ZFHX3: variants seen among roughly 807,000 people sequenced by gnomAD.
The protein encoded by ZFHX3 is zinc finger homeobox protein 3.
A neutral mutation model predicts 279.1 loss-of-function variants in ZFHX3; 42 were observed. The ratio of observed to expected loss-of-function variants is 0.15; its 90% confidence interval spans 0.12 to 0.19. The LOEUF is 0.19. ZFHX3 is among the 10% of genes least tolerant of loss of function. The pLI, the probability that ZFHX3 is intolerant of heterozygous loss-of-function variation, is 1.00. For synonymous variants in ZFHX3, 2,293 were observed against 1,957.8 expected, an observed-to-expected ratio of 1.17 and a Z score of -4.52; for missense variants, 4,981 against 4,754.0, an observed-to-expected ratio of 1.05 and a Z score of -1.40.
At chr16:73,439,909 C>CAAAAAAAAA (rs71156164) in intron 3 of ZFHX3, among the ~76,000 whole-genome samples, 7 of 75,446 alleles carry the variant, frequency 9.3e-5, no homozygotes, top group South Asian at 5.8e-4. Context: ...GGGAGAGGGA[C>CAAAAAAAAA]AAAAAAAAAA....
chr16:72,990,642 C>T (rs1963047319), intron 1 of ZFHX3, among the ~76,000 whole-genome samples: 1 of 152,152 alleles, frequency 6.6e-6, no homozygotes, highest in South Asian at 2.1e-4. Context: ...TAATAATGTA[C>T]CCAACAGGCA....
At chr16:73,682,447 G>A (rs1202996677) in intron 1 of ZFHX3, among the ~76,000 whole-genome samples, 1 of 152,034 alleles carries the variant, frequency 6.6e-6, no homozygotes, top group Non-Finnish European at 1.5e-5. Flanking sequence ...GGTCAAGAAT[G>A]TCACCATCTA....
intron 2 of ZFHX3, among the ~76,000 whole-genome samples, chr16:73,626,802 T>C (rs1403853279): frequency 6.6e-6 from 1 of 152,228 alleles, no homozygotes; most frequent in Non-Finnish European, 1.5e-5. Context: ...TCTGGGGCTC[T>C]AAACCTTTCA....
chr16:72,999,184 C>T (rs1963403611), intron 1 of ZFHX3, among the ~76,000 whole-genome samples: 2 of 152,214 alleles, frequency 1.3e-5, no homozygotes, highest in East Asian at 1.9e-4. Flanking sequence ...AAGTCCCGCT[C>T]TGTCGCCTAG....
At chr16:72,908,550 C>A (rs1229442610) in intron 3 of ZFHX3, among the ~76,000 whole-genome samples, 1 of 152,204 alleles carries the variant, frequency 6.6e-6, no homozygotes, top group Non-Finnish European at 1.5e-5. Context: ...CGTTCACTTA[C>A]CTTGCTAATG....
chr16:73,371,989 C>G (rs143720625), intron 3 of ZFHX3, among the ~76,000 whole-genome samples: 3,334 of 152,344 alleles, frequency 0.022, 57 homozygotes, highest in Middle Eastern at 0.034. Context: ...GCACATGTCA[C>G]GCGAATTTTT....
intron 1 of ZFHX3, among the ~76,000 whole-genome samples, chr16:73,044,822 T>C (rs543992777): frequency 2.0e-5 from 3 of 152,284 alleles, no homozygotes; most frequent in South Asian, 4.1e-4. Context: ...GGTTTCTCCA[T>C]GTTGATCAGG....
At chr16:72,915,992 T>C (rs1597374611) in intron 3 of ZFHX3, among the ~76,000 whole-genome samples, 1 of 152,180 alleles carries the variant, frequency 6.6e-6, no homozygotes, top group Non-Finnish European at 1.5e-5. Flanking sequence ...AAACATAAAA[T>C]AGCATTGAAG....
chr16:72,943,623 A>G (rs1199216659), intron 3 of ZFHX3, among the ~76,000 whole-genome samples: 2 of 152,242 alleles, frequency 1.3e-5, no homozygotes, highest in Admixed American at 6.5e-5. Flanking sequence ...CTTTAGAACA[A>G]TGTTGTCAAT....
chr16:73,032,876 G>A (rs1286825657), intron 1 of ZFHX3, among the ~76,000 whole-genome samples: 3 of 152,184 alleles, frequency 2.0e-5, no homozygotes, highest in African/African-American at 4.8e-5. Flanking sequence ...TAAAACCGGA[G>A]AGGTTGAACT....
At chr16:73,252,052 T>G (rs977941141) in intron 5 of ZFHX3, among the ~76,000 whole-genome samples, 2 of 151,758 alleles carry the variant, frequency 1.3e-5, no homozygotes, top group Non-Finnish European at 2.9e-5. Flanking sequence ...GGAGGGAGCT[T>G]GGGGAATTAG....
rs542439744 is a variant in ZFHX3 at position 73,209,006 on chromosome 16, A to G, written c.-1104+48041T>C. On this transcript the variant is annotated intron_variant, in intron 5 of 17. Coordinates refer to the ZFHX3 transcript ENST00000641206. ...AGCAAATCATGGTCAAATAATGGCA[A>G]TTTCATACAGTTCAACCCAATATAT... Among the ~76,000 whole-genome samples, 4 of 152,298 alleles carry G rather than the reference A, an allele frequency of 2.6e-5. No homozygotes were observed. The South Asian group carries it at 6.2e-4, about 24-fold the overall frequency.
chr16:73,301,820 G>T (rs549084718), intron 4 of ZFHX3, among the ~76,000 whole-genome samples: 17 of 143,500 alleles, frequency 1.2e-4, no homozygotes, highest in Non-Finnish European at 2.4e-4. Context: ...AGAGAATCTT[G>T]CAGTGTGCAT....
rs949679601 is a variant in ZFHX3, at chr16:73,845,335, G to C, written c.-1608+46316C>G. On this transcript the variant is annotated intron_variant, in intron 1 of 17. Coordinates refer to the ZFHX3 transcript ENST00000641206. ...AAAACACAGGTTCTACAAACTGCCT[G>C]TCTTTGATATCCAGGAGGAGCTCAT... is the stretch of plus-strand genomic sequence containing the variant. Among the ~76,000 whole-genome samples the C allele has an allele frequency of 3.3e-5, 5 of 152,136 alleles. No individual in the cohort carries two copies. In the East Asian group the frequency reaches 7.7e-4, roughly 24 times the overall value.
intron 1 of ZFHX3, among the ~76,000 whole-genome samples, chr16:73,808,824 C>T (rs1198321732): frequency 6.6e-6 from 1 of 151,960 alleles, no homozygotes; most frequent in African/African-American, 2.4e-5. Flanking sequence ...GAGTATATAA[C>T]CTACAAGGAC....
chr16:73,543,870 G>C (rs1270874724), intron 2 of ZFHX3: 2 of 148,790 alleles, frequency 1.3e-5, no homozygotes, highest in African/African-American at 5.2e-5. Context: ...GAGAGGGAGA[G>C]AGAGAGCGAG....
chr16:73,537,293 T>TAAA (rs1466926476), intron 2 of ZFHX3, among the ~76,000 whole-genome samples: 1 of 149,170 alleles, frequency 6.7e-6, no homozygotes, highest in Non-Finnish European at 1.5e-5. Context: ...GCTCTAAATC[T>TAAA]AAAGTCACTT....
rs184880776 is a variant in ZFHX3 at position 73,550,780 on chromosome 16, G to A, written c.-1546-94522C>T. On this transcript the variant is annotated intron_variant, in intron 2 of 17. Coordinates refer to the ZFHX3 transcript ENST00000641206. Reference sequence around the variant, plus strand: ...TATTGTTTCCCAGGGAAGTAGAGAAGAATTCAACAAAAATTCACTCTGTTG... The same window carrying A: ...TATTGTTTCCCAGGGAAGTAGAGAAAAATTCAACAAAAATTCACTCTGTTG... Among the ~76,000 whole-genome samples, 3 of 152,212 alleles carry A rather than the reference G, an allele frequency of 2.0e-5. 1 individual carries two copies. In the South Asian group the frequency reaches 6.2e-4, roughly 31 times the overall value.
At position 72,797,458 on chromosome 16, in the gene ZFHX3, C is replaced by CTTG. The variant is rs34918837; in HGVS notation, c.5221_5223dup (p.Gln1741dup). 9.9e-3 allele frequency: 15,923 copies of CTTG among 1,605,452 alleles called. 712 individuals carry two copies. The African/African-American group carries it at 0.16, about 16-fold the overall frequency. On this transcript the variant is annotated inframe_insertion, in exon 9 of 10. Coordinates refer to ENST00000268489, the MANE Select transcript of ZFHX3 (RefSeq NM_006885.4). ...GCCTGGGCCTGGGCCAGCGTTTGTG[C>CTTG]TTGTTGTTGTTGTTGTTGTTGTTGT...
Sources: allele counts gnomAD v4.1 joint callset (sites outside exome capture counted in the v4.1 genomes callset), GRCh38; gene constraint gnomAD v4.1.1; transcripts MANE v1.5; gene names NCBI Gene and HGNC (gene_info 2026-07-23, HGNC 2026-07-21).